ABLIM1: variants seen among roughly 807,000 people sequenced by gnomAD.
The protein encoded by ABLIM1 is actin-binding LIM protein 1.
Under a neutral mutation model 107.0 loss-of-function variants are expected in ABLIM1, and 40 were observed. That is an observed-to-expected ratio of 0.37 (90% CI 0.29 to 0.49). The LOEUF (loss-of-function observed/expected upper bound fraction) is 0.49. Among genes scored for constraint, ABLIM1 ranks in the 20% least tolerant of loss-of-function variants. ABLIM1 has a pLI of 0.97. For missense variants in ABLIM1, 857 were observed against 1,008.5 expected (o/e 0.85, Z 2.04); for synonymous variants, 357 against 357.3 (o/e 1.00, Z 0.01).
intron 1 of ABLIM1, among the ~76,000 whole-genome samples, chr10:114,726,734 T>A (rs551077279): frequency 6.6e-6 from 1 of 151,934 alleles, no homozygotes; most frequent in African/African-American, 2.4e-5. Context: ...GGAGTGGAGA[T>A]AGCACCACTG....
chr10:114,567,027 C>T (rs181804847), intron 4 of ABLIM1, among the ~76,000 whole-genome samples: 19 of 152,262 alleles, frequency 1.2e-4, no homozygotes, highest in African/African-American at 3.9e-4. Flanking sequence ...CCAGCCTGGG[C>T]GACAGAGCGA....
chr10:114,752,464 G>A (rs752395602), intron 1 of ABLIM1, among the ~76,000 whole-genome samples: 12 of 152,114 alleles, frequency 7.9e-5, no homozygotes, highest in Non-Finnish European at 1.5e-4. Context: ...CGGGGTAAAC[G>A]TTCAGGATGT....
At chr10:114,676,204 C>T (rs935758034) in intron 1 of ABLIM1, among the ~76,000 whole-genome samples, 13 of 152,178 alleles carry the variant, frequency 8.5e-5, no homozygotes, top group African/African-American at 2.2e-4. Flanking sequence ...TGTGACTGGG[C>T]GCGATGGCTC....
Position 114,609,270 on chromosome 10 carries a change from T to C in ABLIM1, c.245-7309A>G, listed in dbSNP as rs1334404496. ...CCCTTGAGCAAGGCCTTCTGACCAC[T>C]TTCTGGTCTAGCATCTTCATTCTCG... is the stretch of plus-strand genomic sequence containing the variant. On this transcript the variant is annotated intron_variant, in intron 1 of 22. Coordinates refer to ENST00000533213, the MANE Select transcript of ABLIM1 (RefSeq NM_002313.7). 2.6e-5 allele frequency among the ~76,000 whole-genome samples: 4 copies of C among 152,202 alleles called. No homozygotes were observed. The East Asian group carries it at 7.7e-4, about 29-fold the overall frequency.
chr10:114,689,553 G>A (rs1045878849), upstream of ABLIM1, among the ~76,000 whole-genome samples: 1 of 151,630 alleles, frequency 6.6e-6, no homozygotes, highest in Non-Finnish European at 1.5e-5. Flanking sequence ...TTAGCGACGG[G>A]GTTTCGCCAT....
chr10:114,672,570 G>A (rs531791868), intron 1 of ABLIM1, among the ~76,000 whole-genome samples: 1 of 152,320 alleles, frequency 6.6e-6, no homozygotes, highest in African/African-American at 2.4e-5. Context: ...TCTCCTAGAT[G>A]ATAGCTGGCC....
At chr10:114,745,451 C>T (rs2082364639) in intron 1 of ABLIM1, among the ~76,000 whole-genome samples, 1 of 152,064 alleles carries the variant, frequency 6.6e-6, no homozygotes, top group African/African-American at 2.4e-5. Flanking sequence ...ATCCCAGCTA[C>T]CCAGGAGGCT....
intron 1 of ABLIM1, among the ~76,000 whole-genome samples, chr10:114,736,261 G>A (rs2082177594): frequency 6.6e-6 from 1 of 152,146 alleles, no homozygotes; most frequent in Non-Finnish European, 1.5e-5. Context: ...ATTTAACACA[G>A]ATACTGCTTG....
chr10:114,738,873 C>A (rs1275956199), intron 1 of ABLIM1, among the ~76,000 whole-genome samples: 1 of 151,978 alleles, frequency 6.6e-6, no homozygotes, highest in Non-Finnish European at 1.5e-5. Context: ...CAAGGACATG[C>A]TCTATTTAAG....
intron 1 of ABLIM1, among the ~76,000 whole-genome samples, chr10:114,627,699 GC>G (rs1222989156): frequency 6.6e-6 from 1 of 152,196 alleles, no homozygotes; most frequent in African/African-American, 2.4e-5. Flanking sequence ...GGGAAATAAG[GC>G]CCATAAATAA....
At chr10:114,525,400 T>C (rs567269204) in intron 6 of ABLIM1, among the ~76,000 whole-genome samples, 1 of 152,358 alleles carries the variant, frequency 6.6e-6, no homozygotes, top group South Asian at 2.1e-4. Flanking sequence ...GATAAGCCAC[T>C]GATGCGAGGA....
rs754858705 is a variant in ABLIM1, at chr10:114,538,714, GGGA to G, written c.894+6288_894+6290del. On this transcript the variant is annotated intron_variant, in intron 6 of 22. Transcript: ENST00000533213. ...TGCACATAAGACAACTTTCCTTTCA[GGGA>G]GGAGAACAAAAGAATGCTCCCGTGC... 3.0e-4 allele frequency among the ~76,000 whole-genome samples: 45 copies of G among 152,348 alleles called. 1 individual carries two copies. The highest frequency in any genetic ancestry group is 3.4e-3 in the Middle Eastern group (1 of 294).
chr10:114,534,106 T>C (rs1391490467), intron 6 of ABLIM1, among the ~76,000 whole-genome samples: 1 of 152,162 alleles, frequency 6.6e-6, no homozygotes, highest in African/African-American at 2.4e-5. Flanking sequence ...TGGGGCACCC[T>C]GGAATCAATC....
At position 114,575,512 on chromosome 10, in the gene ABLIM1, G is replaced by C; in HGVS notation, c.467C>G (p.Thr156Arg). Reference sequence around the variant, plus strand: ...GAACTCCCCACAGCCATGGCAGCGTGTCCCGTACATCCGCTGGTAGTCCAG... The same window carrying C: ...GAACTCCCCACAGCCATGGCAGCGTCTCCCGTACATCCGCTGGTAGTCCAG... ...CTLDYQRMYG[T>R]RCHGCGEFVE... Residue 156 changes from threonine to arginine, a missense_variant, in exon 3 of 23, where the codon ACA (threonine) becomes AGA (arginine). Around this residue, in one of 5 missense-constraint regions of ABLIM1, gnomAD observed 381 missense variants for 506.9 expected, o/e 0.75. Coordinates refer to ENST00000533213, the MANE Select transcript of ABLIM1 (RefSeq NM_002313.7). 6.2e-7 allele frequency: 1 copy of C among 1,614,222 alleles called. No homozygotes were observed. The highest frequency in any genetic ancestry group is 8.5e-7 in the Non-Finnish European group (1 of 1,180,038).
chr10:114,568,900 A>G (rs2071216019), intron 4 of ABLIM1, among the ~76,000 whole-genome samples: 1 of 152,246 alleles, frequency 6.6e-6, no homozygotes, highest in Non-Finnish European at 1.5e-5. Context: ...CCATATAAAA[A>G]CAAAATATAG....
At chr10:114,662,286 C>T (rs1242722478), upstream of ABLIM1, among the ~76,000 whole-genome samples, 1 of 152,122 alleles carries the variant, frequency 6.6e-6, no homozygotes, top group African/African-American at 2.4e-5. Flanking sequence ...CTCAGCATGC[C>T]TTCCAAAAAC....
chr10:114,555,920 T>C (rs1010794146), intron 4 of ABLIM1, among the ~76,000 whole-genome samples: 1 of 152,080 alleles, frequency 6.6e-6, no homozygotes, highest in African/African-American at 2.4e-5. Flanking sequence ...GCTATACACA[T>C]GGATAAAAAA....
chr10:114,618,961 G>C (rs1311526247), intron 1 of ABLIM1, among the ~76,000 whole-genome samples: 1 of 151,984 alleles, frequency 6.6e-6, no homozygotes. Context: ...GCCACTCCTG[G>C]GCTCTTGTTG....
chr10:114,792,039 G>A, the ABLIM1 span, among the ~76,000 whole-genome samples: 1 of 152,208 alleles, frequency 6.6e-6, no homozygotes, highest in Non-Finnish European at 1.5e-5. Flanking sequence ...TAAGAATCTT[G>A]GCTGGGTACA....
Sources: gnomAD v4.1 joint callset for allele counts (sites outside exome capture counted in the v4.1 genomes callset) on GRCh38, gnomAD v4.1.1 for gene constraint, gnomAD v4.1.1 regional missense constraint, MANE v1.5 for transcripts, NCBI Gene and HGNC (gene_info 2026-07-23, HGNC 2026-07-21) for gene names.